PCDHGA3: variants seen among roughly 807,000 people sequenced by gnomAD.
PCDHGA3 encodes protocadherin gamma subfamily A, 3.
A neutral mutation model predicts 58.5 loss-of-function variants in PCDHGA3; 40 were observed. That is an observed-to-expected ratio of 0.68 (90% CI 0.53 to 0.89). The LOEUF is 0.89. PCDHGA3 is among the 40% of genes least tolerant of loss of function. The pLI, the probability that PCDHGA3 is intolerant of heterozygous loss-of-function variation, is 0.00. For missense variants in PCDHGA3, 1,223 were observed against 1,195.9 expected (o/e 1.02, Z -0.33); for synonymous variants, 530 against 525.7 (o/e 1.01, Z -0.11).
intron 1 of PCDHGA3, chr5:141,422,819 TGA>T (rs766395950): frequency 1.9e-5 from 31 of 1,614,068 alleles, no homozygotes; most frequent in Middle Eastern, 1.6e-4. Flanking sequence ...GACTTAGAAC[TGA>T]GAGTGATAGC....
intron 1 of PCDHGA3, chr5:141,427,590 C>A: frequency 1.5e-6 from 1 of 679,008 alleles, no homozygotes; most frequent in Non-Finnish European, 2.7e-6. Flanking sequence ...CAGCACAAGC[C>A]TCACCCTACG....
At chr5:141,410,532 A>G in intron 1 of PCDHGA3, 1 of 1,613,908 alleles carries the variant, frequency 6.2e-7, no homozygotes, top group Non-Finnish European at 8.5e-7. Context: ...CATTCCAATG[A>G]AGACATGGTT....
chr5:141,479,845 A>T (rs895639749), intron 1 of PCDHGA3, among the ~76,000 whole-genome samples: 4 of 152,210 alleles, frequency 2.6e-5, no homozygotes, highest in Admixed American at 1.3e-4. Flanking sequence ...ATGCAAGGTG[A>T]CTGCAAGGCC....
chr5:141,492,274 A>C (rs2099739010), intron 1 of PCDHGA3, among the ~76,000 whole-genome samples: 1 of 152,024 alleles, frequency 6.6e-6, no homozygotes, highest in Non-Finnish European at 1.5e-5. Flanking sequence ...CGGGCTCGCC[A>C]CGCCCCGCCA....
At chr5:141,415,871 G>T (rs2095966585) in intron 1 of PCDHGA3, 2 of 1,074,308 alleles carry the variant, frequency 1.9e-6, no homozygotes, top group South Asian at 2.3e-5. Context: ...TAGTGTTGTT[G>T]AGTACAATAT....
intron 1 of PCDHGA3, 161 bp from the exon 2 acceptor site, chr5:141,494,646 T>C (rs1324048407): frequency 1.1e-6 from 1 of 935,836 alleles, no homozygotes; most frequent in East Asian, 1.2e-4. Flanking sequence ...AGACCTGAGG[T>C]GTATTTTGTC....
At chr5:141,348,378 G>T (rs558148130) in intron 1 of PCDHGA3, among the ~76,000 whole-genome samples, 2 of 152,138 alleles carry the variant, frequency 1.3e-5, no homozygotes, top group African/African-American at 4.8e-5. Flanking sequence ...AGACCTACTT[G>T]GGCAACATAG....
At chr5:141,445,249 G>A (rs1337658576) in intron 1 of PCDHGA3, among the ~76,000 whole-genome samples, 2 of 152,170 alleles carry the variant, frequency 1.3e-5, no homozygotes, top group South Asian at 4.1e-4. Flanking sequence ...ACTATATTGT[G>A]TGAGAATATA....
chr5:141,392,794 G>A (rs1002894691), intron 1 of PCDHGA3: 2 of 1,563,344 alleles, frequency 1.3e-6, no homozygotes, highest in African/African-American at 1.4e-5. Flanking sequence ...ATTCTGAGAG[G>A]ATTCTGCAGC....
chr5:141,351,278 G>A (rs1213887165), intron 1 of PCDHGA3: 1 of 1,613,824 alleles, frequency 6.2e-7, no homozygotes, highest in Admixed American at 1.7e-5. Context: ...GAATGACAAT[G>A]CCCCAGAGGT....
At chr5:141,497,776 C>A (rs1384125562) in intron 2 of PCDHGA3, among the ~76,000 whole-genome samples, 2 of 152,170 alleles carry the variant, frequency 1.3e-5, no homozygotes. Flanking sequence ...CCGACCTCAA[C>A]TGATCCACCT....
In PCDHGA3 at chr5:141,486,828, G is replaced by T. The variant is rs140257646; in HGVS notation, c.2425-7979G>T. ...CCCCTTAGCAGCACTGTAACAGTTC[G>T]TCTATTTGTGCTGGACCTCAATGAC... On this transcript the variant is annotated intron_variant, in intron 1 of 3. Coordinates refer to ENST00000253812, the MANE Select transcript of PCDHGA3 (RefSeq NM_018916.4). This position sits in a 1 kb window ranked among gnomAD's most constrained non-coding sequence, Gnocchi z 5.0. The T allele has an allele frequency of 8.7e-6, 14 of 1,614,218 alleles. No homozygotes were observed. The highest frequency in any genetic ancestry group is 1.2e-5 in the Non-Finnish European group (14 of 1,180,042).
intron 1 of PCDHGA3, chr5:141,385,590 CT>C: frequency 8.0e-7 from 1 of 1,252,846 alleles, no homozygotes; most frequent in Non-Finnish European, 1.0e-6. Flanking sequence ...ATGTTCCAAC[CT>C]ACTTTCTTAA....
chr5:141,357,682 G>A (rs1467921091), intron 1 of PCDHGA3: 19 of 1,578,578 alleles, frequency 1.2e-5, no homozygotes, highest in African/African-American at 5.5e-5. Flanking sequence ...TTGTGTAAAT[G>A]TCTCTCATTT....
At chr5:141,400,431 A>T (rs542969819) in intron 1 of PCDHGA3, 1 of 1,614,034 alleles carries the variant, frequency 6.2e-7, no homozygotes. Context: ...GTAGTGAGCA[A>T]TTGAGTTCAG....
intron 1 of PCDHGA3, chr5:141,360,250 G>T (rs1239162060): frequency 6.2e-7 from 1 of 1,613,954 alleles, no homozygotes; most frequent in Non-Finnish European, 8.5e-7. Flanking sequence ...TTCAATTCCA[G>T]AGGAGCTGGC....
At chr5:141,499,271 T>C (rs2099790752) in intron 2 of PCDHGA3, among the ~76,000 whole-genome samples, 1 of 152,180 alleles carries the variant, frequency 6.6e-6, no homozygotes, top group South Asian at 2.1e-4. Context: ...GTCCCTAGAC[T>C]GTTCTCTGAT....
Position 141,370,495 on chromosome 5 carries a change from G to A in PCDHGA3, c.2424+24038G>A, listed in dbSNP as rs1766967329. The stretch of plus-strand genomic sequence containing the variant: ...GACCAGGCTCTCTCCGAACCGATCC[G>A]CTACGCTATTCCCGAGGAGCTGGAC... On this transcript the variant is annotated intron_variant, in intron 1 of 3. Transcript: ENST00000253812. The A allele has an allele frequency of 3.1e-6, 5 of 1,613,782 alleles. No individual in the cohort carries two copies. Among genetic ancestry groups the A allele is most frequent in the African/African-American group, 1.3e-5 (1 of 74,914 alleles).
At chr5:141,468,063 A>G (rs2099157033) in intron 1 of PCDHGA3, among the ~76,000 whole-genome samples, 1 of 152,064 alleles carries the variant, frequency 6.6e-6, no homozygotes, top group South Asian at 2.1e-4. Flanking sequence ...AGTGGCTCAC[A>G]CCTGTAATCC....
Sources: allele counts gnomAD v4.1 joint callset (sites outside exome capture counted in the v4.1 genomes callset), GRCh38; gene constraint gnomAD v4.1.1; non-coding constraint Gnocchi (gnomAD v3.1); transcripts MANE v1.5; gene names NCBI Gene and HGNC (gene_info 2026-07-23, HGNC 2026-07-21).